Variants in SLC22A2 observed in about 807,000 individuals in gnomAD.
SLC22A2 encodes solute carrier family 22 member 2, also known as organic cation transporter 2.
A neutral mutation model predicts 60.5 loss-of-function variants in SLC22A2; 46 were observed. The ratio of observed to expected loss-of-function variants is 0.76; its 90% confidence interval spans 0.60 to 0.97. The LOEUF is 0.97. SLC22A2 is among the 50% of genes least tolerant of loss of function. The pLI is 0.00. For synonymous variants in SLC22A2, 303 were observed against 267.0 expected, an observed-to-expected ratio of 1.13 and a Z score of -1.31; for missense variants, 701 against 706.6, an observed-to-expected ratio of 0.99 and a Z score of 0.09.
chr6:160,236,976 C>T (rs1171004151), intron 9 of SLC22A2, among the ~76,000 whole-genome samples: 1 of 152,186 alleles, frequency 6.6e-6, no homozygotes, highest in Non-Finnish European at 1.5e-5. Context: ...TACAAATAAT[C>T]AGGCCAAGTA....
At chr6:160,223,002 C>T (rs1782667783) in intron 10 of SLC22A2, among the ~76,000 whole-genome samples, 1 of 152,190 alleles carries the variant, frequency 6.6e-6, no homozygotes, top group Admixed American at 6.5e-5. Context: ...CCTCTTCCAA[C>T]TCTAAGACTC....
chr6:160,232,075 A>C (rs972635578), intron 9 of SLC22A2, among the ~76,000 whole-genome samples: 1 of 151,672 alleles, frequency 6.6e-6, no homozygotes, highest in Non-Finnish European at 1.5e-5. Flanking sequence ...ATAATTTCCA[A>C]AATCTATTTT....
chr6:160,218,328 T>C (rs948776553), intron 10 of SLC22A2: 25 of 193,594 alleles, frequency 1.3e-4, no homozygotes, highest in Non-Finnish European at 2.1e-4. Flanking sequence ...ACAACAACAG[T>C]AGAAATAGCA....
At position 160,247,283 on chromosome 6, in the gene SLC22A2, A is replaced by G; in HGVS notation, c.858T>C (p.Ser286=). 2 of 1,600,372 alleles carry G rather than the reference A, an allele frequency of 1.2e-6. No individual in the cohort carries two copies. Among genetic ancestry groups the G allele is most frequent in the East Asian group, 2.2e-5 (1 of 44,818 alleles). ...FLLYYWCIPE[S]PRWLISQNKN... is the part of the protein sequence containing the mutation. ...TATTCTGGGAGATCAGCCACCTGGG[A>G]GACTCAGGTATGCACCTAGGGTACA... Residue 286 remains serine, a synonymous_variant, in exon 5 of 11, where the codon TCT becomes TCC. Transcript: ENST00000366953.
At chr6:160,252,378 C>G (rs1439822221) in intron 2 of SLC22A2, among the ~76,000 whole-genome samples, 1 of 152,206 alleles carries the variant, frequency 6.6e-6, no homozygotes, top group African/African-American at 2.4e-5. Flanking sequence ...TATTCATCAT[C>G]TGAAACTCAG....
intron 9 of SLC22A2, among the ~76,000 whole-genome samples, chr6:160,232,682 G>C (rs1289039784): frequency 1.3e-5 from 2 of 151,818 alleles, no homozygotes; most frequent in Non-Finnish European, 2.9e-5. Flanking sequence ...CAATGCTTAT[G>C]CTCATAAGGT....
intron 9 of SLC22A2, among the ~76,000 whole-genome samples, chr6:160,228,363 G>C (rs992114440): frequency 6.6e-6 from 1 of 152,142 alleles, no homozygotes; most frequent in African/African-American, 2.4e-5. Flanking sequence ...CAATTTAGGG[G>C]AGTTAGAGTC....
At chr6:160,217,734 A>G (rs1782564324) in intron 10 of SLC22A2, among the ~76,000 whole-genome samples, 1 of 152,208 alleles carries the variant, frequency 6.6e-6, no homozygotes, top group Non-Finnish European at 1.5e-5. Context: ...ACTGGCCTAA[A>G]TAAGTTCCTT....
intron 9 of SLC22A2, among the ~76,000 whole-genome samples, chr6:160,228,903 C>T (rs1222743602): frequency 6.6e-6 from 1 of 151,796 alleles, no homozygotes; most frequent in Admixed American, 6.5e-5. Flanking sequence ...TTTCCATTAC[C>T]TACCCAAATC....
chr6:160,255,274 T>C (rs1262866603), intron 2 of SLC22A2, among the ~76,000 whole-genome samples: 1 of 74,304 alleles, frequency 1.3e-5, no homozygotes, highest in Admixed American at 2.0e-4. Flanking sequence ...GGCCTGTGCC[T>C]CCACTTTTAT....
At chr6:160,245,812 C>G (rs1783085230) in intron 5 of SLC22A2, among the ~76,000 whole-genome samples, 1 of 151,016 alleles carries the variant, frequency 6.6e-6, no homozygotes, top group African/African-American at 2.4e-5. Context: ...AATCCTCTGC[C>G]TCAGCCTCCT....
chr6:160,226,541 C>G (rs1379795033), intron 9 of SLC22A2, among the ~76,000 whole-genome samples: 1 of 152,134 alleles, frequency 6.6e-6, no homozygotes, highest in Non-Finnish European at 1.5e-5. Flanking sequence ...GTAACCAATC[C>G]CATTATTTGT....
At chr6:160,242,423 A>T in intron 7 of SLC22A2, 21 bp from the exon 8 acceptor site, 1 of 1,242,830 alleles carries the variant, frequency 8.0e-7, no homozygotes, top group Non-Finnish European at 1.2e-6. Context: ...AAAGAACAGT[A>T]CTTATCCGTA....
At chr6:160,242,891 T>A (rs923719517) in intron 7 of SLC22A2, among the ~76,000 whole-genome samples, 37 of 152,228 alleles carry the variant, frequency 2.4e-4, no homozygotes, top group African/African-American at 8.9e-4. Context: ...TTTAGTATCA[T>A]ATGGAATAAT....
rs778669610 is a variant in SLC22A2, at chr6:160,258,783, G to A, written c.-26C>T. 1.3e-6 allele frequency: 2 copies of A among 1,516,730 alleles called. No homozygotes were observed. Among genetic ancestry groups the A allele is most frequent in the African/African-American group, 2.8e-5 (2 of 71,868 alleles). The allele number at this position is 1,516,730 out of a possible 1,614,324, so 94.0% of individuals were successfully genotyped here. ...GATCCTGCAGGCAGGAGGGCCCGAG[G>A]CTGCCCGACGTGCCCGGAGCGAGGC... On this transcript the variant is annotated 5_prime_UTR_variant, in exon 1 of 11. Transcript: ENST00000366953.
intron 9 of SLC22A2, among the ~76,000 whole-genome samples, chr6:160,239,996 C>T (rs1190674453): frequency 2.6e-5 from 4 of 152,068 alleles, no homozygotes; most frequent in African/African-American, 4.8e-5. Context: ...ATTGGGCAGC[C>T]TTAGGAGTGA....
At chr6:160,219,347 G>A (rs1001729291) in intron 10 of SLC22A2, among the ~76,000 whole-genome samples, 3 of 145,244 alleles carry the variant, frequency 2.1e-5, no homozygotes, top group Non-Finnish European at 3.0e-5. Context: ...AGCAACAACA[G>A]CAACAAGAAA....
At chr6:160,255,578 TTATA>T (rs1261546772) in intron 2 of SLC22A2, among the ~76,000 whole-genome samples, 2 of 152,050 alleles carry the variant, frequency 1.3e-5, no homozygotes, top group African/African-American at 4.8e-5. Flanking sequence ...AAATTCATAA[TTATA>T]TATTTATATC....
At chr6:160,218,808 T>A in intron 10 of SLC22A2, among the ~76,000 whole-genome samples, 1 of 810 alleles carries the variant, frequency 1.2e-3, no homozygotes, top group East Asian at 0.042. Flanking sequence ...GCAGCAACAA[T>A]AGCAACAGAA....
Sources: allele counts gnomAD v4.1 joint callset (sites outside exome capture counted in the v4.1 genomes callset), GRCh38; gene constraint gnomAD v4.1.1; transcripts MANE v1.5; gene names NCBI Gene and HGNC (gene_info 2026-07-23, HGNC 2026-07-21).